PPP1R12B: variants seen among roughly 807,000 people sequenced by gnomAD.
PPP1R12B encodes the protein protein phosphatase 1 regulatory subunit 12B, also known as myosin phosphatase target subunit 2.
In PPP1R12B, 76 loss-of-function variants were observed where a neutral mutation model predicts 126.1. The observed-to-expected ratio is 0.60, with a 90% CI of 0.50 to 0.73. The LOEUF (loss-of-function observed/expected upper bound fraction) is 0.73, where lower values mean the gene tolerates loss of function less well. Ranked by LOEUF, PPP1R12B falls within the 30% of genes least tolerant of loss-of-function variation. PPP1R12B has a pLI of 0.00. For synonymous variants in PPP1R12B, 356 were observed against 434.7 expected, an observed-to-expected ratio of 0.82 and a Z score of 2.25; for missense variants, 1,052 against 1,205.1, an observed-to-expected ratio of 0.87 and a Z score of 1.88.
At chr1:202,407,672 G>T (rs1950010) in intron 1 of PPP1R12B, among the ~76,000 whole-genome samples, 51,605 of 151,984 alleles carry the variant, frequency 0.34, 8,897 homozygotes, top group Middle Eastern at 0.45. Flanking sequence ...CATGATTGGA[G>T]TGAAGAGACA....
intron 18 of PPP1R12B, among the ~76,000 whole-genome samples, chr1:202,517,630 C>CT (rs59698189): frequency 0.013 from 1,847 of 147,750 alleles, 26 homozygotes; most frequent in African/African-American, 0.037. Flanking sequence ...AATGAGGTAT[C>CT]TTTTTTTTTT....
At chr1:202,509,201 A>G (rs905762499) in intron 18 of PPP1R12B, among the ~76,000 whole-genome samples, 6 of 84,366 alleles carry the variant, frequency 7.1e-5, no homozygotes, top group African/African-American at 2.5e-4. Flanking sequence ...GCATTGTGCC[A>G]ATTCCCGATT....
intron 1 of PPP1R12B, among the ~76,000 whole-genome samples, chr1:202,391,171 AAATAACTT>A (rs1315682745): frequency 1.3e-5 from 2 of 152,108 alleles, no homozygotes; most frequent in Admixed American, 6.6e-5. Context: ...AATAATAAAT[AAATAACTT>A]AATAATAAGA....
intron 8 of PPP1R12B, among the ~76,000 whole-genome samples, chr1:202,432,998 A>C (rs1388280094): frequency 6.6e-6 from 1 of 152,224 alleles, no homozygotes; most frequent in Non-Finnish European, 1.5e-5. Flanking sequence ...ACTGAATGTC[A>C]GTCACCAAAA....
intron 13 of PPP1R12B, among the ~76,000 whole-genome samples, chr1:202,481,123 T>A (rs1243132372): frequency 6.6e-6 from 1 of 152,230 alleles, no homozygotes; most frequent in East Asian, 1.9e-4. Context: ...GAGAATCTAA[T>A]GCCGTGGCTG....
chr1:202,548,776 G>GTCTCTCTC lies in PPP1R12B; in HGVS notation c.2491-10075_2491-10068dup, dbSNP rs1196499777. Among the ~76,000 whole-genome samples the GTCTCTCTC allele has an allele frequency of 4.2e-3, 413 of 98,652 alleles. 1 individual carries two copies. Among genetic ancestry groups the GTCTCTCTC allele is most frequent in the African/African-American group, 0.016 (363 of 23,186 alleles). 64.7% of individuals were successfully genotyped at this position (98,652 alleles called of 152,430 possible). ...TCATGCGCTCGCTCACTCGCTCGCT[G>GTCTCTCTC]TCTCTCTCTCTCTCTCTCTCTCTCT... On this transcript the variant is annotated intron_variant, in intron 18 of 23. Coordinates refer to ENST00000608999, the MANE Select transcript of PPP1R12B (RefSeq NM_002481.4).
rs1381461455 is a variant in PPP1R12B, at chr1:202,362,656, T to TTG, written c.291+13515_291+13516insGT. 3.3e-5 allele frequency among the ~76,000 whole-genome samples: 5 copies of TTG among 150,874 alleles called. No homozygotes were observed. In the East Asian group the frequency reaches 9.6e-4, roughly 29 times the overall value. ...GACAGAATCAGCAAGGCCCAGGGTT[T>TTG]TTGTTTTTTTTTTTTGTAATAAGGA... On this transcript the variant is annotated intron_variant, in intron 1 of 23. Transcript: ENST00000608999.
Position 202,377,835 on chromosome 1 carries a change from T to G in PPP1R12B, c.291+28693T>G, listed in dbSNP as rs867716613. ...GAAAGAAAGGTCAAAGACAGGTGTT[T>G]TTTTTTTTTTTTTTTTTTTTTTTTG... On this transcript the variant is annotated intron_variant, in intron 1 of 23. Transcript: ENST00000608999. Among the ~76,000 whole-genome samples the G allele has an allele frequency of 8.0e-3, 317 of 39,818 alleles. 6 individuals are homozygous for G. The highest frequency in any genetic ancestry group is 0.017 in the African/African-American group (287 of 16,792). The allele number at this position is 39,818 out of a possible 152,430, so 26.1% of individuals were successfully genotyped here.
intron 8 of PPP1R12B, among the ~76,000 whole-genome samples, chr1:202,433,702 A>G (rs1329772883): frequency 6.6e-6 from 1 of 152,206 alleles, no homozygotes; most frequent in Non-Finnish European, 1.5e-5. Context: ...TCTGTAGAAA[A>G]CTATAGGATC....
intron 1 of PPP1R12B, among the ~76,000 whole-genome samples, chr1:202,351,263 C>A (rs1420604925): frequency 2.0e-5 from 3 of 150,502 alleles, no homozygotes; most frequent in Non-Finnish European, 4.4e-5. Flanking sequence ...AAAACAGTGT[C>A]TCACTGTATC....
chr1:202,381,106 C>T (rs1662183757), intron 1 of PPP1R12B, among the ~76,000 whole-genome samples: 2 of 152,170 alleles, frequency 1.3e-5, no homozygotes, highest in Admixed American at 1.3e-4. Flanking sequence ...TTCCCTTGCA[C>T]ACACACATTC....
intron 18 of PPP1R12B, among the ~76,000 whole-genome samples, chr1:202,514,316 ATGC>A (rs944399159): frequency 6.6e-6 from 1 of 152,082 alleles, no homozygotes; most frequent in African/African-American, 2.4e-5. Context: ...TTTCTTATAG[ATGC>A]TACATATTAT....
chr1:202,405,450 T>C (rs1266269475), intron 1 of PPP1R12B, among the ~76,000 whole-genome samples: 1 of 152,222 alleles, frequency 6.6e-6, no homozygotes, highest in Non-Finnish European at 1.5e-5. Context: ...TTTAAGTATA[T>C]CATTTTTGCT....
intron 1 of PPP1R12B, among the ~76,000 whole-genome samples, chr1:202,365,451 A>G (rs557807072): frequency 6.6e-6 from 1 of 152,174 alleles, no homozygotes; most frequent in South Asian, 2.1e-4. Context: ...AAAAAAAGTA[A>G]TTTTTACTGA....
chr1:202,523,504 G>A (rs1416456115), intron 18 of PPP1R12B, among the ~76,000 whole-genome samples: 1 of 152,146 alleles, frequency 6.6e-6, no homozygotes, highest in African/African-American at 2.4e-5. Flanking sequence ...TCTAGCAAGA[G>A]GGTACAGCTA....
At chr1:202,490,950 C>T (rs903106788) in intron 14 of PPP1R12B, among the ~76,000 whole-genome samples, 2 of 152,158 alleles carry the variant, frequency 1.3e-5, no homozygotes, top group African/African-American at 2.4e-5. Context: ...TGAAACCCTG[C>T]TTTCAATTCT....
intron 1 of PPP1R12B, among the ~76,000 whole-genome samples, chr1:202,373,226 G>A (rs181998526): frequency 6.1e-4 from 93 of 152,150 alleles, no homozygotes; most frequent in African/African-American, 2.0e-3. Flanking sequence ...GTGAGCCACC[G>A]CACCTGGCCA....
chr1:202,448,700 C>CTT (rs1672561060), intron 12 of PPP1R12B: 1 of 363,912 alleles, frequency 2.7e-6, no homozygotes, highest in African/African-American at 2.0e-5. Flanking sequence ...GCATATGTCA[C>CTT]TATCTTGCCT....
At chr1:202,364,725 C>T (rs555073853) in intron 1 of PPP1R12B, among the ~76,000 whole-genome samples, 18 of 152,166 alleles carry the variant, frequency 1.2e-4, no homozygotes, top group Middle Eastern at 3.4e-3. Context: ...TACAGGCGCC[C>T]GCCACCATGC....
Sources: gnomAD v4.1 joint callset for allele counts (sites outside exome capture counted in the v4.1 genomes callset) on GRCh38, gnomAD v4.1.1 for gene constraint, MANE v1.5 for transcripts, NCBI Gene and HGNC (gene_info 2026-07-23, HGNC 2026-07-21) for gene names.